The following ARID1A variants were observed in gnomAD, a reference collection of about 807,000 sequenced individuals.
ARID1A encodes the protein AT-rich interactive domain-containing protein 1A.
ARID1A carries 20 observed loss-of-function variants against 212.6 expected under a neutral mutation model. The observed-to-expected ratio is 0.09, with a 90% CI of 0.07 to 0.14. ARID1A has a LOEUF of 0.14. ARID1A is among the 10% of genes least tolerant of loss of function. The pLI is 1.00. For synonymous variants in ARID1A, 1,376 were observed against 1,222.1 expected, an observed-to-expected ratio of 1.13 and a Z score of -2.63; for missense variants, 2,587 against 3,059.0, an observed-to-expected ratio of 0.85 and a Z score of 3.64.
At chr1:26,702,847 T>A (rs569782081) in intron 1 of ARID1A, among the ~76,000 whole-genome samples, 14 of 152,296 alleles carry the variant, frequency 9.2e-5, no homozygotes, top group African/African-American at 3.4e-4. Flanking sequence ...AATTGCAGTT[T>A]CATAGTGAAA....
chr1:26,737,333 G>T (rs2080743628), intron 4 of ARID1A, among the ~76,000 whole-genome samples: 1 of 152,088 alleles, frequency 6.6e-6, no homozygotes, highest in South Asian at 2.1e-4. Context: ...GCCCAGGCTG[G>T]TCTCGAATTC....
intron 4 of ARID1A, among the ~76,000 whole-genome samples, chr1:26,748,059 T>C (rs566031929): frequency 8.5e-5 from 13 of 152,204 alleles, no homozygotes; most frequent in African/African-American, 2.2e-4. Context: ...CCCCTAAATA[T>C]TTGGATTTTA....
chr1:26,768,148 C>A, intron 11 of ARID1A, 149 bp downstream of exon 11: 1 of 894,410 alleles, frequency 1.1e-6, no homozygotes, highest in Non-Finnish European at 1.7e-6. Flanking sequence ...CCGGGGAGCA[C>A]AGGTTTCCCA....
rs747530200 is a variant in ARID1A, at chr1:26,780,687, A to G, written c.6789A>G (p.Val2263=). 5 of 1,602,064 alleles carry G rather than the reference A, an allele frequency of 3.1e-6. No individual in the cohort carries two copies. Among genetic ancestry groups the G allele is most frequent in the Non-Finnish European group, 4.2e-6 (5 of 1,178,052 alleles). The change falls in exon 20 of 20, where the codon GTA becomes GTG. Residue 2263 remains valine, a synonymous_variant. Transcript: ENST00000324856. The surrounding 1 kb of genome is among the most constrained non-coding windows in gnomAD (Gnocchi z 7.2). ...AATCACGGCTGTTGGACATCTCGGTATCACCGTTGATGAACTCATTGGTTT... is the reference window on the plus strand; with the variant it reads ...AATCACGGCTGTTGGACATCTCGGTGTCACCGTTGATGAACTCATTGGTTT... ...LYESRLLDIS[V]SPLMNSLVSQ...
rs1032328975 is a variant in ARID1A at position 26,774,359 on chromosome 1, G to A, written c.4132G>A (p.Gly1378Ser). 6.4e-7 allele frequency: 1 copy of A among 1,558,600 alleles called. No homozygotes were observed. The highest frequency in any genetic ancestry group is 8.7e-7 in the Non-Finnish European group (1 of 1,149,634). Reference sequence around the variant, plus strand: ...CAAGCGGCCAATGGATGGCACATATGGCCCTCCTGCCAAGCGGCACGAAGG... The same window carrying A: ...CAAGCGGCCAATGGATGGCACATATAGCCCTCCTGCCAAGCGGCACGAAGG... Reference protein sequence around the residue: ...NYKRPMDGTYGPPAKRHEGEM... With the variant: ...NYKRPMDGTYSPPAKRHEGEM... Residue 1378 changes from glycine to serine, a missense_variant, in exon 18 of 20, where the codon GGC (glycine) becomes AGC (serine). Gly to Ser is a moderately conservative substitution (Grantham distance 56, BLOSUM62 0). This residue lies in a region of ARID1A where 890 missense variants were observed against 1,098.2 expected (regional missense o/e 0.81). Transcript: ENST00000324856. The surrounding 1 kb of genome is among the most constrained non-coding windows in gnomAD (Gnocchi z 5.6).
At position 26,781,886 on chromosome 1, in the gene ARID1A, A is replaced by G. The variant is rs548634719; in HGVS notation, c.*1130A>G. 6 of 233,656 alleles carry G rather than the reference A, an allele frequency of 2.6e-5. No homozygotes were observed. The highest frequency in any genetic ancestry group is 1.8e-4 in the South Asian group (1 of 5,520). The allele number at this position is 233,656 out of a possible 1,614,324, so 14.5% of individuals were successfully genotyped here. On this transcript the variant is annotated 3_prime_UTR_variant, in exon 20 of 20. Transcript: ENST00000324856. Reference sequence around the variant, plus strand: ...TGTTTTCTTTCTAATCGAGGTGTGAAAAAGTTCTAGGTTCAGTTGAAGTTC... The same window carrying G: ...TGTTTTCTTTCTAATCGAGGTGTGAGAAAGTTCTAGGTTCAGTTGAAGTTC...
chr1:26,705,197 G>T (rs1339245082), intron 1 of ARID1A, among the ~76,000 whole-genome samples: 1 of 151,568 alleles, frequency 6.6e-6, no homozygotes, highest in Non-Finnish European at 1.5e-5. Flanking sequence ...GGAGTACAGT[G>T]GTGCAATCTG....
intron 4 of ARID1A, among the ~76,000 whole-genome samples, chr1:26,752,051 C>A (rs1364989715): frequency 6.6e-6 from 1 of 152,178 alleles, no homozygotes; most frequent in Admixed American, 6.5e-5. Context: ...TTTTTCTAAA[C>A]CTTTCCTGGA....
In ARID1A at chr1:26,761,402, G is replaced by A. The variant is rs376482571; in HGVS notation, c.2180G>A (p.Arg727Gln). The A allele has an allele frequency of 5.0e-6, 8 of 1,614,034 alleles. No individual in the cohort carries two copies. Among genetic ancestry groups the A allele is most frequent in the South Asian group, 3.3e-5 (3 of 91,082 alleles). The change falls in exon 6 of 20, where the codon CGG becomes CAG. Residue 727 changes from arginine (R) to glutamine (Q), a missense_variant. Arg to Gln is a conservative substitution (Grantham distance 43). Around this residue, in one of 11 missense-constraint regions of ARID1A, gnomAD observed 674 missense variants for 813.4 expected, o/e 0.83. Transcript: ENST00000324856. The part of the protein sequence containing the change: ...AAVPGNQMPP[R>Q]PPSGQSDSIM... Reference sequence around the variant, plus strand: ...GGAGCAGGCAACCAGATGCCACCTCGGCCACCCAGTGGCCAGTCGGACAGC... The same window carrying A: ...GGAGCAGGCAACCAGATGCCACCTCAGCCACCCAGTGGCCAGTCGGACAGC...
rs1557609377 is a variant in ARID1A, at chr1:26,763,087, C to A, written c.2534C>A (p.Pro845His). Residue 845 changes from proline to histidine, a missense_variant, in exon 8 of 20, where the codon CCT (proline) becomes CAT (histidine). By Grantham distance (77) the Pro-to-His change is moderately conservative. Transcript: ENST00000324856. ...MGAGGQMHGQ[P>H]GIPPYGTLPP... Reference sequence around the variant, plus strand: ...GCCGGAGGTCAAATGCATGGACAGCCTGGCATCCCACCTTATGGCACACTC... The same window carrying A: ...GCCGGAGGTCAAATGCATGGACAGCATGGCATCCCACCTTATGGCACACTC... The A allele has an allele frequency of 6.2e-7, 1 of 1,614,282 alleles. No homozygotes were observed. The highest frequency in any genetic ancestry group is 2.2e-5 in the East Asian group (1 of 44,888).
At chr1:26,730,015 C>A in intron 2 of ARID1A, 152 bp downstream of exon 2, 1 of 967,856 alleles carries the variant, frequency 1.0e-6, no homozygotes, top group Non-Finnish European at 1.6e-6. Context: ...CTAACAAAGC[C>A]AAAGCTATAG....
chr1:26,707,613 G>A (rs1005193220), intron 1 of ARID1A, among the ~76,000 whole-genome samples: 2 of 152,148 alleles, frequency 1.3e-5, no homozygotes, highest in Non-Finnish European at 2.9e-5. Flanking sequence ...AAAGTGCTGG[G>A]ATTACAGGCG....
chr1:26,724,763 G>T (rs1011741080), intron 1 of ARID1A, among the ~76,000 whole-genome samples: 3 of 152,120 alleles, frequency 2.0e-5, no homozygotes, highest in Non-Finnish European at 4.4e-5. Context: ...AATTCTATTG[G>T]CTTGGAGCAG....
chr1:26,696,883 C>A lies in ARID1A; in HGVS notation c.480C>A (p.Ala160=). The A allele has an allele frequency of 1.5e-6, 2 of 1,361,876 alleles. No individual in the cohort carries two copies. Among genetic ancestry groups the A allele is most frequent in the Non-Finnish European group, 1.9e-6 (2 of 1,058,394 alleles). 84.4% of individuals were successfully genotyped at this position (1,361,876 alleles called of 1,614,324 possible). Residue 160 remains alanine, a synonymous_variant, in exon 1 of 20, where the codon GCC becomes GCA. Coordinates refer to ENST00000324856, the MANE Select transcript of ARID1A (RefSeq NM_006015.6). ...FGQPYGRSPS[A]VAAAAAAVFH... ...AACCCTACGGCCGGAGCCCGTCTGC[C>A]GTCGCCGCCGCCGCGGCCGCCGTCT...
At chr1:26,761,496 G>T in intron 6 of ARID1A, 23 bp downstream of exon 6, 1 of 1,612,628 alleles carries the variant, frequency 6.2e-7, no homozygotes. Context: ...GTGTTGGGGA[G>T]GGGCAGGGAG....
intron 1 of ARID1A, among the ~76,000 whole-genome samples, chr1:26,722,894 T>C (rs2080578895): frequency 6.6e-6 from 1 of 152,210 alleles, no homozygotes; most frequent in Non-Finnish European, 1.5e-5. Flanking sequence ...TAGAAATCTC[T>C]TATTGTCCTA....
At chr1:26,735,759 C>T (rs925453021) in intron 4 of ARID1A, among the ~76,000 whole-genome samples, 3 of 152,184 alleles carry the variant, frequency 2.0e-5, no homozygotes, top group Non-Finnish European at 4.4e-5. Context: ...AGGGATGGCA[C>T]TTTGAGAACC....
intron 1 of ARID1A, among the ~76,000 whole-genome samples, chr1:26,706,673 G>A (rs2080395262): frequency 6.6e-6 from 1 of 152,210 alleles, no homozygotes; most frequent in Non-Finnish European, 1.5e-5. Context: ...CTTGCCCAGT[G>A]ATTTCTCCTG....
Position 26,715,957 on chromosome 1 carries a change from A to G in ARID1A, c.1138-13694A>G, listed in dbSNP as rs186599735. Among the ~76,000 whole-genome samples, 138 of 152,268 alleles carry G rather than the reference A, an allele frequency of 9.1e-4. 1 individual carries two copies. Among genetic ancestry groups the G allele is most frequent in the African/African-American group, 3.1e-3 (129 of 41,572 alleles). ...CGCGGTGGCTCACGCCTGTAATCCC[A>G]GTACTTGGGGAGACTGAGGTGGGCG... On this transcript the variant is annotated intron_variant, in intron 1 of 19. Coordinates refer to ENST00000324856, the MANE Select transcript of ARID1A (RefSeq NM_006015.6).
Sources: gnomAD v4.1 joint callset for allele counts (sites outside exome capture counted in the v4.1 genomes callset) on GRCh38, gnomAD v4.1.1 for gene constraint, gnomAD v4.1.1 regional missense constraint, Gnocchi (gnomAD v3.1) non-coding constraint, MANE v1.5 for transcripts, NCBI Gene and HGNC (gene_info 2026-07-23, HGNC 2026-07-21) for gene names.